The following IBTK variants were observed in gnomAD, a reference collection of about 807,000 sequenced individuals.
IBTK encodes the protein inhibitor of Bruton tyrosine kinase, also known as BTK-binding protein.
A neutral mutation model predicts 154.9 loss-of-function variants in IBTK; 83 were observed. The ratio of observed to expected loss-of-function variants is 0.54; its 90% CI spans 0.45 to 0.64. The LOEUF is 0.64. Ranked by LOEUF, IBTK falls within the 30% of genes least tolerant of loss-of-function variation. The pLI, the probability that IBTK is intolerant of heterozygous loss-of-function variation, is 0.00. For synonymous variants in IBTK, 515 were observed against 536.1 expected, an observed-to-expected ratio of 0.96 and a Z score of 0.54; for missense variants, 1,332 against 1,584.6, an observed-to-expected ratio of 0.84 and a Z score of 2.71.
In IBTK at chr6:82,194,597, T is replaced by C. The variant is rs772951166; in HGVS notation, c.3220A>G (p.Arg1074Gly). Residue 1074 changes from arginine (R) to glycine (G), a missense_variant, in exon 23 of 29, where the codon AGG (arginine) becomes GGG (glycine). Coordinates refer to ENST00000306270, the MANE Select transcript of IBTK (RefSeq NM_015525.4). ...TTTTCCCATGGTTTTAAATCTTCCC[T>C]AGAATACACAGGAGATGTACCATTA... ...YVNGTSPVYS[R>G]EDLKPWEKSP... is the part of the protein sequence containing the mutation. The C allele has an allele frequency of 2.5e-6, 4 of 1,610,242 alleles. No individual in the cohort carries two copies. The South Asian group carries it at 4.4e-5, about 18-fold the overall frequency.
intron 5 of IBTK, 167 bp downstream of exon 5, chr6:82,227,025 T>C (rs1362821184): frequency 5.8e-6 from 3 of 519,438 alleles, no homozygotes; most frequent in Non-Finnish European, 1.0e-5. Context: ...TGTATGTAAA[T>C]CCTTAATTTA....
intron 23 of IBTK, among the ~76,000 whole-genome samples, chr6:82,193,060 C>G (rs898744423): frequency 6.7e-6 from 1 of 149,150 alleles, no homozygotes; most frequent in Non-Finnish European, 1.5e-5. Flanking sequence ...ATCGTGCCAC[C>G]GCACTCCAGC....
chr6:82,225,560 C>A lies in IBTK; in HGVS notation c.742G>T (p.Gly248Ter). The A allele has an allele frequency of 6.2e-7, 1 of 1,612,344 alleles. No individual in the cohort carries two copies. Among genetic ancestry groups the A allele is most frequent in the Non-Finnish European group, 8.5e-7 (1 of 1,178,582 alleles). Residue 248 changes from glycine to a stop codon, truncating the protein, a stop_gained, in exon 6 of 29, where the codon GGA (glycine) becomes TGA (stop). Transcript: ENST00000306270. LOFTEE classifies it high-confidence loss of function. ...KDHTVVLTED[G>*]CVYTFGLNIF... is the part of the protein sequence containing the mutation. ...TTTAGACCAAATGTATAAACACATCCATCTTCAGTTAATACAACAGTATGA... is the reference window on the plus strand; with the variant it reads ...TTTAGACCAAATGTATAAACACATCAATCTTCAGTTAATACAACAGTATGA...
intron 9 of IBTK, among the ~76,000 whole-genome samples, chr6:82,219,748 G>T (rs957352055): frequency 6.6e-6 from 1 of 151,630 alleles, no homozygotes; most frequent in African/African-American, 2.4e-5. Context: ...TTATTTAAGA[G>T]ATAAGAAATT....
chr6:82,216,716 C>T lies in IBTK; in HGVS notation c.1427-466G>A, dbSNP rs118060120. On this transcript the variant is annotated intron_variant, in intron 10 of 28. Coordinates refer to ENST00000306270, the MANE Select transcript of IBTK (RefSeq NM_015525.4). ...CTTGCATGTATTCAGAAAATATGTGCGTAACCAAACTGGGCTACTATGATA... is the reference window on the plus strand; with the variant it reads ...CTTGCATGTATTCAGAAAATATGTGTGTAACCAAACTGGGCTACTATGATA... Among the ~76,000 whole-genome samples, 80 of 152,138 alleles carry T rather than the reference C, an allele frequency of 5.3e-4. 2 individuals are homozygous for T. The East Asian group carries it at 0.013, about 25-fold the overall frequency.
chr6:82,214,165 G>A, intron 12 of IBTK, 62 bp downstream of exon 12: 1 of 1,474,236 alleles, frequency 6.8e-7, no homozygotes, highest in Non-Finnish European at 9.1e-7. Context: ...CAGTAAGGGT[G>A]GGAAATTTTT....
At chr6:82,187,495 G>T (rs146384650) in intron 25 of IBTK, among the ~76,000 whole-genome samples, 1 of 152,076 alleles carries the variant, frequency 6.6e-6, no homozygotes, top group East Asian at 1.9e-4. Flanking sequence ...AATCAGAAAG[G>T]TATAAACCCA....
chr6:82,230,176 G>A (rs1003517637), intron 4 of IBTK, among the ~76,000 whole-genome samples: 2 of 152,134 alleles, frequency 1.3e-5, no homozygotes, highest in African/African-American at 4.8e-5. Flanking sequence ...GTGTTGTTAT[G>A]TATGTCATAT....
intron 4 of IBTK, 84 bp from the exon 5 acceptor site, chr6:82,227,386 T>C: frequency 2.6e-6 from 2 of 758,300 alleles, no homozygotes; most frequent in Non-Finnish European, 4.1e-6. Flanking sequence ...ATATTGTTAA[T>C]TGTTTAAACA....
chr6:82,247,624 T>A lies in IBTK; in HGVS notation c.-420A>T. ...GGTCCACATAGAGCCACAAAGGGACTCATCCTCAGTGAAGGCAATAAGAGA... is the reference window on the plus strand; with the variant it reads ...GGTCCACATAGAGCCACAAAGGGACACATCCTCAGTGAAGGCAATAAGAGA... On this transcript the variant is annotated 5_prime_UTR_variant, in exon 1 of 29. Coordinates refer to ENST00000306270, the MANE Select transcript of IBTK (RefSeq NM_015525.4). The A allele has an allele frequency of 2.5e-6, 1 of 398,750 alleles. No homozygotes were observed. Among genetic ancestry groups the A allele is most frequent in the East Asian group, 3.6e-5 (1 of 28,068 alleles). 24.7% of individuals were successfully genotyped at this position (398,750 alleles called of 1,614,324 possible). A position where few individuals can be genotyped will look rare whatever the true frequency, so the allele number is the denominator to read the frequency against.
At chr6:82,185,174 C>T (rs892433262) in intron 25 of IBTK, among the ~76,000 whole-genome samples, 11 of 129,796 alleles carry the variant, frequency 8.5e-5, no homozygotes, top group Admixed American at 1.6e-4. Context: ...CAGAGCAAAA[C>T]TCTGTCTCAG....
At chr6:82,208,906 T>C (rs1301725354) in intron 16 of IBTK, among the ~76,000 whole-genome samples, 2 of 151,802 alleles carry the variant, frequency 1.3e-5, no homozygotes, top group Admixed American at 6.6e-5. Context: ...AAACAAATAA[T>C]TGAGAAAAAA....
rs182124620 is a variant in IBTK, at chr6:82,214,198, C to G, written c.2204+29G>C. On this transcript the variant is annotated intron_variant, in intron 12 of 28. Coordinates refer to ENST00000306270, the MANE Select transcript of IBTK (RefSeq NM_015525.4). ...TTTTAAAGGAGGACTGAATGAGGTA[C>G]AGGAACAGATATAAAAGAGAAATCA... 135 of 1,576,456 alleles carry G rather than the reference C, an allele frequency of 8.6e-5. 1 individual carries two copies. The African/African-American group carries it at 1.5e-3, about 17-fold the overall frequency.
chr6:82,225,245 G>A (rs1388397912), intron 6 of IBTK, among the ~76,000 whole-genome samples: 1 of 151,986 alleles, frequency 6.6e-6, no homozygotes, highest in Non-Finnish European at 1.5e-5. Flanking sequence ...GAGGGGCAGA[G>A]GTTGCAGTCA....
chr6:82,173,013 TTTTTTTGAGACAGAGTCTCAC>T (rs1320805314), intron 27 of IBTK: 23 of 155,918 alleles, frequency 1.5e-4, no homozygotes, highest in Admixed American at 2.1e-4. Flanking sequence ...TTTTTTTTTT[TTTTTTTGAGACAGAGTCTCAC>T]TGTGTCGCCC....
At chr6:82,176,186 A>G (rs1562067635) in intron 26 of IBTK, among the ~76,000 whole-genome samples, 1 of 152,228 alleles carries the variant, frequency 6.6e-6, no homozygotes, top group East Asian at 1.9e-4. Context: ...TGATATAATC[A>G]CAGAATAATT....
intron 26 of IBTK, among the ~76,000 whole-genome samples, chr6:82,178,939 G>A (rs1470985477): frequency 2.6e-5 from 4 of 152,256 alleles, no homozygotes; most frequent in Non-Finnish European, 5.9e-5. Flanking sequence ...ACAGTTGGCA[G>A]GAGCCAGACT....
intron 6 of IBTK, 101 bp downstream of exon 6, chr6:82,225,376 C>T (rs549704155): frequency 1.8e-5 from 14 of 772,420 alleles, no homozygotes; most frequent in Admixed American, 1.2e-4. Flanking sequence ...AGTTAAATAA[C>T]AGAAATAAAA....
At chr6:82,174,303 C>T (rs1278128640) in intron 26 of IBTK, among the ~76,000 whole-genome samples, 1 of 152,036 alleles carries the variant, frequency 6.6e-6, no homozygotes, top group Non-Finnish European at 1.5e-5. Flanking sequence ...AATCTTCTCC[C>T]CTCAAAAAAT....
Sources: gnomAD v4.1 joint callset for allele counts (sites outside exome capture counted in the v4.1 genomes callset) on GRCh38, gnomAD v4.1.1 for gene constraint, MANE v1.5 for transcripts, NCBI Gene and HGNC (gene_info 2026-07-23, HGNC 2026-07-21) for gene names.